DIAPH3: variants seen among roughly 807,000 people sequenced by gnomAD.
The protein encoded by DIAPH3 is diaphanous related formin 3.
DIAPH3 carries 117 observed loss-of-function variants against 144.3 expected under a neutral mutation model. The ratio of observed to expected loss-of-function variants is 0.81; its 90% CI spans 0.70 to 0.95. The LOEUF (loss-of-function observed/expected upper bound fraction) is 0.95, where lower values mean the gene tolerates loss of function less well. DIAPH3 is among the 40% of genes least tolerant of loss of function. The pLI is 0.00. For missense variants in DIAPH3, 1,421 were observed against 1,412.7 expected (o/e 1.01, Z -0.09); for synonymous variants, 519 against 488.9 (o/e 1.06, Z -0.81).
chr13:60,012,429 G>A (rs922886579), intron 7 of DIAPH3, among the ~76,000 whole-genome samples: 5 of 152,106 alleles, frequency 3.3e-5, no homozygotes, highest in Non-Finnish European at 7.4e-5. Context: ...TTACCTAACT[G>A]GAAAAAGAAT....
At chr13:60,093,581 G>T in intron 4 of DIAPH3, 47 bp downstream of exon 4, 1 of 1,311,298 alleles carries the variant, frequency 7.6e-7, no homozygotes, top group Non-Finnish European at 1.1e-6. Context: ...TGTTTTCCAT[G>T]TTAAAACATG....
intron 19 of DIAPH3, among the ~76,000 whole-genome samples, chr13:59,912,890 C>T (rs1373459552): frequency 3.9e-5 from 6 of 152,000 alleles, no homozygotes. Flanking sequence ...TCACTGTGTA[C>T]CTTTGGACAA....
chr13:60,155,074 G>C (rs1047804773), intron 1 of DIAPH3, among the ~76,000 whole-genome samples: 1 of 152,164 alleles, frequency 6.6e-6, no homozygotes. Flanking sequence ...CCATAAAGTA[G>C]AGTTAATTCA....
chr13:60,095,916 G>C (rs1030363976), intron 3 of DIAPH3, among the ~76,000 whole-genome samples: 2 of 152,036 alleles, frequency 1.3e-5, no homozygotes, highest in Non-Finnish European at 2.9e-5. Context: ...CCCCAAAATA[G>C]CACAACTATA....
intron 27 of DIAPH3, among the ~76,000 whole-genome samples, chr13:59,746,695 C>T (rs2036721892): frequency 6.6e-6 from 1 of 152,124 alleles, no homozygotes; most frequent in South Asian, 2.1e-4. Context: ...AAAAACAGTT[C>T]CTAGGCACCT....
chr13:59,686,904 G>A (rs2033247305), intron 27 of DIAPH3, among the ~76,000 whole-genome samples: 1 of 152,022 alleles, frequency 6.6e-6, no homozygotes, highest in Non-Finnish European at 1.5e-5. Context: ...AAGCTTTCAT[G>A]GTCTTTGACA....
chr13:60,072,193 T>TA (rs2057235280), intron 4 of DIAPH3, among the ~76,000 whole-genome samples: 1 of 152,196 alleles, frequency 6.6e-6, no homozygotes, highest in Admixed American at 6.5e-5. Flanking sequence ...TGAAGCAAGA[T>TA]ACTTTGTGTT....
At chr13:60,015,188 G>A (rs973696807) in intron 7 of DIAPH3, among the ~76,000 whole-genome samples, 52 of 152,024 alleles carry the variant, frequency 3.4e-4, no homozygotes, top group African/African-American at 1.1e-3. Flanking sequence ...TAGAGATGGC[G>A]TCTCACTATG....
chr13:59,961,713 G>C (rs754471202), intron 17 of DIAPH3, among the ~76,000 whole-genome samples: 1 of 152,094 alleles, frequency 6.6e-6, no homozygotes, highest in Non-Finnish European at 1.5e-5. Flanking sequence ...CTTTAGACTC[G>C]GATCTGTATT....
chr13:59,917,278 G>A (rs2047265301), intron 18 of DIAPH3, among the ~76,000 whole-genome samples: 2 of 152,110 alleles, frequency 1.3e-5, no homozygotes, highest in South Asian at 4.1e-4. Context: ...CAGAATATAA[G>A]GAACTTGAGC....
intron 17 of DIAPH3, among the ~76,000 whole-genome samples, chr13:59,953,642 G>C (rs2049219200): frequency 6.6e-6 from 1 of 152,152 alleles, no homozygotes; most frequent in Non-Finnish European, 1.5e-5. Flanking sequence ...TAGAGAAAAA[G>C]GAGACCAATG....
intron 23 of DIAPH3, chr13:59,837,850 G>C (rs953993313): frequency 6.6e-6 from 1 of 151,598 alleles, no homozygotes; most frequent in Non-Finnish European, 1.5e-5. Context: ...CTGGATGGGT[G>C]GCAAGATACA....
intron 22 of DIAPH3, chr13:59,861,197 A>C: frequency 1.4e-6 from 2 of 1,437,646 alleles, no homozygotes; most frequent in Non-Finnish European, 1.8e-6. Context: ...TTTATAATAT[A>C]AGGCCTCATC....
At chr13:60,097,591 G>A (rs2058144171) in intron 3 of DIAPH3, among the ~76,000 whole-genome samples, 1 of 152,132 alleles carries the variant, frequency 6.6e-6, no homozygotes, top group African/African-American at 2.4e-5. Context: ...TCAGCCTCAG[G>A]TATTCCTTTA....
At chr13:59,898,134 C>CAAAAAAAAAAAAAAAAAAAAAAA (rs34238599) in intron 20 of DIAPH3, among the ~76,000 whole-genome samples, 52 of 72,172 alleles carry the variant, frequency 7.2e-4, no homozygotes, top group Admixed American at 1.0e-3. Context: ...GACTCTGCCT[C>CAAAAAAAAAAAAAAAAAAAAAAA]AAAAAAAAAA....
intron 27 of DIAPH3, among the ~76,000 whole-genome samples, chr13:59,708,015 T>A (rs2034523453): frequency 6.6e-6 from 1 of 152,010 alleles, no homozygotes. Flanking sequence ...ACCCTTCCCT[T>A]GATCCTAATT....
chr13:59,799,753 C>T (rs930938157), intron 25 of DIAPH3, among the ~76,000 whole-genome samples: 2 of 152,130 alleles, frequency 1.3e-5, no homozygotes, highest in African/African-American at 4.8e-5. Context: ...GAAGCAACAG[C>T]TCACTGTAAA....
chr13:59,800,708 T>C (rs2039859948), intron 25 of DIAPH3, among the ~76,000 whole-genome samples: 1 of 152,152 alleles, frequency 6.6e-6, no homozygotes, highest in Admixed American at 6.5e-5. Flanking sequence ...CAGAATCCCA[T>C]GGAACGGGTC....
chr13:59,735,813 A>G (rs1216108861), intron 27 of DIAPH3, among the ~76,000 whole-genome samples: 1 of 152,128 alleles, frequency 6.6e-6, no homozygotes, highest in African/African-American at 2.4e-5. Context: ...TCAGGGGTAC[A>G]TGTGCAGGAT....
Sources: gnomAD v4.1 joint callset for allele counts (sites outside exome capture counted in the v4.1 genomes callset) on GRCh38, gnomAD v4.1.1 for gene constraint, MANE v1.5 for transcripts, NCBI Gene and HGNC (gene_info 2026-07-23, HGNC 2026-07-21) for gene names.